Variants in CCDC77 observed in about 807,000 individuals in gnomAD.
The protein encoded by CCDC77 is coiled-coil domain-containing protein 77.
A neutral mutation model predicts 66.8 loss-of-function variants in CCDC77; 56 were observed. The observed-to-expected ratio is 0.84, with a 90% CI of 0.68 to 1.05. CCDC77 has a LOEUF of 1.05. Ranked by LOEUF, CCDC77 falls within the 50% of genes least tolerant of loss-of-function variation. The pLI, the probability that CCDC77 is intolerant of heterozygous loss-of-function variation, is 0.00. For missense variants in CCDC77, 570 were observed against 576.8 expected (o/e 0.99, Z 0.12); for synonymous variants, 196 against 195.2 (o/e 1.00, Z -0.03).
At chr12:415,284 TTA>T (rs1945204145) in intron 4 of CCDC77, among the ~76,000 whole-genome samples, 1 of 143,042 alleles carries the variant, frequency 7.0e-6, no homozygotes, top group Non-Finnish European at 1.5e-5. Context: ...TAACATAATA[TTA>T]TGTTAATATA....
chr12:415,636 TG>T (rs1945240441), intron 4 of CCDC77, among the ~76,000 whole-genome samples: 1 of 151,268 alleles, frequency 6.6e-6, no homozygotes, highest in Non-Finnish European at 1.5e-5. Flanking sequence ...CTGGGTTTTT[TG>T]TTTTTTGTTT....
intron 5 of CCDC77, among the ~76,000 whole-genome samples, chr12:423,500 T>TTTTTTTG (rs1945471199): frequency 1.2e-5 from 1 of 83,800 alleles, no homozygotes; most frequent in Non-Finnish European, 2.3e-5. Context: ...TTTTGTTTTT[T>TTTTTTTG]TTTTTTTTTT....
intron 1 of CCDC77, among the ~76,000 whole-genome samples, chr12:403,966 G>A (rs932517171): frequency 4.6e-5 from 7 of 152,204 alleles, no homozygotes; most frequent in African/African-American, 1.7e-4. Context: ...GGTAAAGACA[G>A]GGTCTTGCCA....
At chr12:410,912 G>GT (rs1565565493) in intron 3 of CCDC77, among the ~76,000 whole-genome samples, 1 of 151,990 alleles carries the variant, frequency 6.6e-6, no homozygotes, top group South Asian at 2.1e-4. Flanking sequence ...TTTATATTCT[G>GT]TTTTTTTAAA....
intron 1 of CCDC77, among the ~76,000 whole-genome samples, chr12:396,567 G>C (rs1319419641): frequency 6.6e-6 from 1 of 152,098 alleles, no homozygotes; most frequent in Non-Finnish European, 1.5e-5. Context: ...TGGTACCCAG[G>C]AATTGCCTGG....
intron 1 of CCDC77, among the ~76,000 whole-genome samples, chr12:391,203 G>A (rs947977929): frequency 6.6e-6 from 1 of 152,158 alleles, no homozygotes; most frequent in East Asian, 1.9e-4. Flanking sequence ...TGTAATCCCA[G>A]CACTTTTTGA....
intron 1 of CCDC77, among the ~76,000 whole-genome samples, chr12:393,544 T>C (rs1452357460): frequency 6.6e-6 from 1 of 152,152 alleles, no homozygotes; most frequent in Admixed American, 6.5e-5. Flanking sequence ...GTCCTTTTTT[T>C]TTTTTTGAGA....
intron 1 of CCDC77, among the ~76,000 whole-genome samples, chr12:403,901 G>A (rs556963299): frequency 1.3e-5 from 2 of 152,244 alleles, no homozygotes; most frequent in African/African-American, 2.4e-5. Context: ...AGTGATCCTC[G>A]CACCAAGCAG....
chr12:409,228 A>G (rs1945058532), intron 2 of CCDC77, 140 bp from the exon 3 acceptor site: 2 of 666,714 alleles, frequency 3.0e-6, no homozygotes, highest in Admixed American at 3.0e-5. Flanking sequence ...AAAAAAAGAA[A>G]AAAAAAACTA....
chr12:423,476 TG>T (rs1365951799), intron 5 of CCDC77, among the ~76,000 whole-genome samples: 1,413 of 27,872 alleles, frequency 0.051, 160 homozygotes, highest in African/African-American at 0.082. Context: ...TTGTGTTTTT[TG>T]TGTTTTTTTT....
rs751242537 is a variant in CCDC77, at chr12:414,095, CT to C, written c.270+2131del. On this transcript the variant is annotated intron_variant, in intron 4 of 12. Coordinates refer to ENST00000239830, the MANE Select transcript of CCDC77 (RefSeq NM_032358.4). ...AAAATTTTCTTCCTTTCTTGATTTC[CT>C]TTTTTTTTTTTTTGAGACGGAGTCT... 3.4e-3 allele frequency among the ~76,000 whole-genome samples: 473 copies of C among 137,776 alleles called. 4 individuals are homozygous for C. The highest frequency in any genetic ancestry group is 5.3e-3 in the African/African-American group (197 of 37,490). 90.4% of individuals were successfully genotyped at this position (137,776 alleles called of 152,430 possible).
intron 10 of CCDC77, among the ~76,000 whole-genome samples, chr12:439,729 G>A (rs996262409): frequency 3.3e-5 from 5 of 151,608 alleles, no homozygotes; most frequent in Non-Finnish European, 7.4e-5. Flanking sequence ...GCAGTGAGCC[G>A]AGATCGCGCC....
chr12:433,334 A>G lies in CCDC77; in HGVS notation c.821+12A>G. ...GAGCTAACCAAAAAGTGAGTGTCTAAGAAAGCTGTACCTAACGGGTATTGT... is the reference window on the plus strand; with the variant it reads ...GAGCTAACCAAAAAGTGAGTGTCTAGGAAAGCTGTACCTAACGGGTATTGT... On this transcript the variant is annotated intron_variant, in intron 9 of 12. Transcript: ENST00000239830. The G allele has an allele frequency of 5.0e-6, 8 of 1,613,704 alleles. No homozygotes were observed. Among genetic ancestry groups the G allele is most frequent in the Non-Finnish European group, 6.8e-6 (8 of 1,179,866 alleles).
chr12:413,299 C>T (rs1438083483), intron 4 of CCDC77, among the ~76,000 whole-genome samples: 21 of 150,418 alleles, frequency 1.4e-4, no homozygotes, highest in Middle Eastern at 3.4e-3. Context: ...TGCAGTGGCG[C>T]GATCTCAGCT....
intron 4 of CCDC77, among the ~76,000 whole-genome samples, chr12:412,919 CCTTT>C (rs568432058): frequency 3.2e-3 from 493 of 152,240 alleles, no homozygotes; most frequent in Non-Finnish European, 5.1e-3. Context: ...CTTCTTCCTT[CCTTT>C]GTTTTTTCTC....
chr12:416,355 GTGTGTGTGTGTGTGTGTGTGTGTATA>G (rs1565569020), intron 4 of CCDC77, among the ~76,000 whole-genome samples: 5 of 31,750 alleles, frequency 1.6e-4, no homozygotes, highest in East Asian at 2.5e-3. Flanking sequence ...GTGTGTGTGT[GTGTGTGTGTGTGTGTGTGTGTGTATA>G]TATATATATA....
At chr12:394,178 C>T (rs1368560623) in intron 1 of CCDC77, among the ~76,000 whole-genome samples, 1 of 152,186 alleles carries the variant, frequency 6.6e-6, no homozygotes, top group Non-Finnish European at 1.5e-5. Flanking sequence ...TCTGAACAAC[C>T]ATAGTTTGTC....
rs1386878042 is a variant in CCDC77, at chr12:411,914, G to A, written c.206G>A (p.Cys69Tyr). Residue 69 changes from cysteine to tyrosine, a missense_variant, in exon 4 of 13, where the codon TGT (cysteine) becomes TAT (tyrosine). Cys to Tyr is a radical substitution (Grantham distance 194). Transcript: ENST00000239830. Reference sequence around the variant, plus strand: ...TATTATCAAAAGAAGATGGCTGAGTGTGAGGCAGAAAATGAGGACTTGCTG... The same window carrying A: ...TATTATCAAAAGAAGATGGCTGAGTATGAGGCAGAAAATGAGGACTTGCTG... ...LEYYQKKMAE[C>Y]EAENEDLLKK... 6.2e-7 allele frequency: 1 copy of A among 1,614,090 alleles called. No individual in the cohort carries two copies. The highest frequency in any genetic ancestry group is 1.1e-5 in the South Asian group (1 of 91,086).
At chr12:412,432 G>T (rs1565566333) in intron 4 of CCDC77, among the ~76,000 whole-genome samples, 1 of 152,204 alleles carries the variant, frequency 6.6e-6, no homozygotes. Context: ...GCATCATCCA[G>T]TTCTCTGCCA....
Sources: allele counts gnomAD v4.1 joint callset (sites outside exome capture counted in the v4.1 genomes callset), GRCh38; gene constraint gnomAD v4.1.1; transcripts MANE v1.5; gene names NCBI Gene and HGNC (gene_info 2026-07-23, HGNC 2026-07-21).